The following LIPG variants were observed in gnomAD, a reference collection of about 807,000 sequenced individuals.
LIPG encodes the protein lipase G, endothelial type, also known as endothelial lipase.
A neutral mutation model predicts 51.8 loss-of-function variants in LIPG; 34 were observed. That is an observed-to-expected ratio of 0.66 (90% CI 0.50 to 0.87). LIPG has a LOEUF of 0.87. LIPG is among the 40% of genes least tolerant of loss of function. LIPG has a pLI of 0.00. For synonymous variants in LIPG, 246 were observed against 246.1 expected (o/e 1.00, Z 0.00); for missense variants, 580 against 652.7 (o/e 0.89, Z 1.21).
intron 1 of LIPG, 79 bp from the exon 2 acceptor site, chr18:49,565,238 G>A (rs945119608): frequency 2.2e-5 from 32 of 1,446,924 alleles, no homozygotes; most frequent in Admixed American, 1.6e-4. Context: ...AATTGCTCAC[G>A]ATTGAACTAG....
chr18:49,576,314 T>G (rs192480042), intron 5 of LIPG, among the ~76,000 whole-genome samples: 4 of 152,208 alleles, frequency 2.6e-5, no homozygotes, highest in South Asian at 2.1e-4. Context: ...CTTTGCAAAT[T>G]ATTTGCATGC....
chr18:49,588,281 AC>A (rs1342988378), intron 9 of LIPG, among the ~76,000 whole-genome samples: 1 of 139,490 alleles, frequency 7.2e-6, no homozygotes, highest in Non-Finnish European at 1.5e-5. Context: ...TCTCCCACAC[AC>A]TTTTTTTTTT....
chr18:49,575,307 C>T (rs1233158352), intron 4 of LIPG, 62 bp from the exon 5 acceptor site: 1 of 1,326,186 alleles, frequency 7.5e-7, no homozygotes, highest in African/African-American at 1.4e-5. Context: ...AACTTGTAAT[C>T]AGGACTCACT....
intron 3 of LIPG, among the ~76,000 whole-genome samples, chr18:49,568,763 C>T (rs976797429): frequency 6.6e-5 from 10 of 152,234 alleles, no homozygotes; most frequent in East Asian, 1.9e-4. Context: ...ACTGTCAAAG[C>T]GGCACCATTA....
chr18:49,569,290 C>T, intron 3 of LIPG, 147 bp from the exon 4 acceptor site: 2 of 743,172 alleles, frequency 2.7e-6, no homozygotes, highest in African/African-American at 1.7e-5. Context: ...GTAGCATCAC[C>T]AGCAAAGCCA....
intron 2 of LIPG, 57 bp from the exon 3 acceptor site, chr18:49,567,385 T>C (rs2084616462): frequency 1.3e-6 from 2 of 1,552,702 alleles, no homozygotes; most frequent in Non-Finnish European, 1.8e-6. Flanking sequence ...AGGAATTCCA[T>C]ATTTTTTAGG....
Position 49,586,920 on chromosome 18 carries a change from G to T in LIPG, c.1481+70G>T, listed in dbSNP as rs1329979507. 8 of 1,137,656 alleles carry T rather than the reference G, an allele frequency of 7.0e-6. No individual in the cohort carries two copies. In the East Asian group the frequency reaches 1.6e-4, roughly 23 times the overall value. 70.5% of individuals were successfully genotyped at this position (1,137,656 alleles called of 1,614,324 possible). Reference sequence around the variant, plus strand: ...TGATGATCTCCTAGCATGTGCTGGGGATGGATCTGGGTGCCAGGGACATAG... The same window carrying T: ...TGATGATCTCCTAGCATGTGCTGGGTATGGATCTGGGTGCCAGGGACATAG... On this transcript the variant is annotated intron_variant, in intron 9 of 9. Transcript: ENST00000261292.
intron 3 of LIPG, among the ~76,000 whole-genome samples, chr18:49,568,762 G>A (rs575855082): frequency 6.6e-6 from 1 of 152,278 alleles, no homozygotes; most frequent in East Asian, 1.9e-4. Flanking sequence ...CACTGTCAAA[G>A]CGGCACCATT....
chr18:49,578,904 CGGCAGGCTGA>C (rs2084768660), intron 5 of LIPG, among the ~76,000 whole-genome samples: 1 of 145,868 alleles, frequency 6.9e-6, no homozygotes, highest in Non-Finnish European at 1.5e-5. Flanking sequence ...CGCAGGCACT[CGGCAGGCTGA>C]GGCAGGAGAA....
chr18:49,587,078 G>C (rs2084888264), intron 9 of LIPG, among the ~76,000 whole-genome samples: 1 of 149,186 alleles, frequency 6.7e-6, no homozygotes, highest in African/African-American at 2.5e-5. Flanking sequence ...AGACCAGCCT[G>C]GCTAACATAG....
In LIPG at chr18:49,569,521, G is replaced by C. The variant is rs748426191; in HGVS notation, c.544G>C (p.Val182Leu). 9.3e-6 allele frequency: 15 copies of C among 1,614,014 alleles called. No individual in the cohort carries two copies. The highest frequency in any genetic ancestry group is 1.1e-5 in the Non-Finnish European group (13 of 1,180,016). ...AHVAGYAGNF[V>L]KGTVGRITGL... Reference sequence around the variant, plus strand: ...CGTGGCCGGGTATGCAGGCAACTTCGTGAAAGGAACGGTGGGCCGAATCAC... The same window carrying C: ...CGTGGCCGGGTATGCAGGCAACTTCCTGAAAGGAACGGTGGGCCGAATCAC... The change falls in exon 4 of 10, where the codon GTG (valine) becomes CTG (leucine). Residue 182 changes from valine to leucine, a missense_variant. By Grantham distance (32) the Val-to-Leu change is conservative. Transcript: ENST00000261292.
intron 9 of LIPG, chr18:49,590,101 GTC>G (rs2084924532): frequency 2.9e-6 from 1 of 340,692 alleles, no homozygotes. Context: ...CCAATACAGT[GTC>G]TCTCTTGTAT....
chr18:49,561,706 T>G, upstream of LIPG: 1 of 1,244,582 alleles, frequency 8.0e-7, no homozygotes, highest in Non-Finnish European at 1.0e-6. Flanking sequence ...TCTCCAGGGA[T>G]CGCCTCCCCA....
chr18:49,590,757 A>C lies in LIPG; in HGVS notation c.*235A>C. On this transcript the variant is annotated 3_prime_UTR_variant, in exon 10 of 10. Coordinates refer to ENST00000261292, the MANE Select transcript of LIPG (RefSeq NM_006033.4). ...GCTCTAACTCCAAACCTCTGTCCAC[A>C]CCTCCAGAGCACCAAGTCCAGATTT... 1 of 594,734 alleles carries C rather than the reference A, an allele frequency of 1.7e-6. No homozygotes were observed. Among genetic ancestry groups the C allele is most frequent in the Non-Finnish European group, 3.0e-6 (1 of 332,124 alleles). The allele number at this position is 594,734 out of a possible 1,614,324, so 36.8% of individuals were successfully genotyped here.
chr18:49,564,362 G>T (rs935478756), intron 1 of LIPG, among the ~76,000 whole-genome samples: 1 of 152,212 alleles, frequency 6.6e-6, no homozygotes, highest in Non-Finnish European at 1.5e-5. Context: ...TTCTGAAACG[G>T]TGTCATGATG....
chr18:49,590,884 G>C lies in LIPG; in HGVS notation c.*362G>C. The C allele has an allele frequency of 2.7e-6, 1 of 373,730 alleles. No homozygotes were observed. Among genetic ancestry groups the C allele is most frequent in the African/African-American group, 2.1e-5 (1 of 48,408 alleles). 23.2% of individuals were successfully genotyped at this position (373,730 alleles called of 1,614,324 possible). On this transcript the variant is annotated 3_prime_UTR_variant, in exon 10 of 10. Coordinates refer to ENST00000261292, the MANE Select transcript of LIPG (RefSeq NM_006033.4). Reference sequence around the variant, plus strand: ...CTGCCTGACGAGGAACGCTGGCTCCGAAGAGGCCCTGTGTAGAAGGCTGTC... The same window carrying C: ...CTGCCTGACGAGGAACGCTGGCTCCCAAGAGGCCCTGTGTAGAAGGCTGTC...
intron 5 of LIPG, among the ~76,000 whole-genome samples, chr18:49,580,980 C>T (rs148115790): frequency 0.01 from 1,592 of 152,170 alleles, 26 homozygotes; most frequent in African/African-American, 0.036. Flanking sequence ...TTACACAGGT[C>T]GGGTGCAGCG....
chr18:49,587,274 C>CA lies in LIPG; in HGVS notation c.1481+429dup, dbSNP rs199757704. ...AGGTGACAAGAATGAAGCTCTGTCT[C>CA]AAAAAGAAAGAAAGGGCCAGGCATG... is the stretch of plus-strand genomic sequence containing the variant. On this transcript the variant is annotated intron_variant, in intron 9 of 9. Transcript: ENST00000261292. 4.1e-5 allele frequency among the ~76,000 whole-genome samples: 6 copies of CA among 148,056 alleles called. No individual in the cohort carries two copies. The Admixed American group carries it at 4.1e-4, about 10-fold the overall frequency.
chr18:49,596,595 A>C lies in LIPG; in HGVS notation c.*6073A>C, dbSNP rs1179077867. 1 of 144,122 alleles carries C rather than the reference A, an allele frequency of 6.9e-6. No individual in the cohort carries two copies. The highest frequency in any genetic ancestry group is 1.5e-5 in the Non-Finnish European group (1 of 67,094). The allele number at this position is 144,122 out of a possible 1,614,324, so 8.9% of individuals were successfully genotyped here. On this transcript the variant is annotated 3_prime_UTR_variant, in exon 10 of 10. Coordinates refer to ENST00000261292, the MANE Select transcript of LIPG (RefSeq NM_006033.4). ...AGTTGCAGTGAGCCTAGATCACGGC[A>C]CTACACTCCAGCCTGGGCAACAAGA...
Sources: allele counts gnomAD v4.1 joint callset (sites outside exome capture counted in the v4.1 genomes callset), GRCh38; gene constraint gnomAD v4.1.1; transcripts MANE v1.5; gene names NCBI Gene and HGNC (gene_info 2026-07-23, HGNC 2026-07-21).